CHD9: variants seen among roughly 807,000 people sequenced by gnomAD.
CHD9 encodes the protein ATP-dependent chromatin remodeler CHD9.
Under a neutral mutation model 316.1 loss-of-function variants are expected in CHD9, and 77 were observed. The ratio of observed to expected loss-of-function variants is 0.24; its 90% confidence interval spans 0.20 to 0.29. CHD9 has a LOEUF of 0.29. CHD9 is among the 10% of genes least tolerant of loss of function. CHD9 has a pLI of 1.00. For synonymous variants in CHD9, 1,129 were observed against 1,158.3 expected (o/e 0.97, Z 0.51); for missense variants, 2,763 against 3,438.1 (o/e 0.80, Z 4.91).
At chr16:53,237,541 C>T (rs1398798401) in intron 11 of CHD9, among the ~76,000 whole-genome samples, 1 of 152,086 alleles carries the variant, frequency 6.6e-6, no homozygotes, top group Non-Finnish European at 1.5e-5. Context: ...CCCTCCAAAC[C>T]ATAGAACAAC....
At chr16:53,211,374 C>T (rs1366194461) in intron 3 of CHD9, among the ~76,000 whole-genome samples, 2 of 151,982 alleles carry the variant, frequency 1.3e-5, no homozygotes, top group African/African-American at 2.4e-5. Flanking sequence ...AACACTGAAG[C>T]GGAGTACTGA....
In CHD9 at chr16:53,164,176, AAT is replaced by A. The variant is rs540151522; in HGVS notation, c.1452+6636_1452+6637del. ...TTGAAAAATTAAAAACTGGCTTTAG[AAT>A]CTTTAAGTGGCAAAGACCATGCCTC... On this transcript the variant is annotated intron_variant, in intron 2 of 38. Coordinates refer to ENST00000447540, the MANE Select transcript of CHD9 (RefSeq NM_001308319.2). Among the ~76,000 whole-genome samples the A allele has an allele frequency of 3.5e-4, 53 of 152,322 alleles. 1 individual carries two copies. The highest frequency in any genetic ancestry group is 1.1e-3 in the African/African-American group (46 of 41,566).
intron 13 of CHD9, 117 bp downstream of exon 13, chr16:53,243,133 C>A: frequency 1.6e-6 from 1 of 633,964 alleles, no homozygotes; most frequent in Admixed American, 3.4e-5. Context: ...ACATCTGAAT[C>A]TTATCTGTGA....
At chr16:53,202,666 T>C (rs539076168) in intron 2 of CHD9, among the ~76,000 whole-genome samples, 1 of 152,298 alleles carries the variant, frequency 6.6e-6, no homozygotes, top group East Asian at 1.9e-4. Flanking sequence ...AAACAAAACT[T>C]GTATGAACAT....
chr16:53,154,394 A>G (rs990355765), intron 1 of CHD9, among the ~76,000 whole-genome samples: 4 of 152,318 alleles, frequency 2.6e-5, no homozygotes, highest in Non-Finnish European at 5.9e-5. Flanking sequence ...TGTATCAAGT[A>G]TGTAGGATAG....
intron 2 of CHD9, among the ~76,000 whole-genome samples, chr16:53,204,652 T>C (rs563405427): frequency 1.3e-5 from 2 of 152,286 alleles, no homozygotes; most frequent in Non-Finnish European, 1.5e-5. Flanking sequence ...CAAACACTTA[T>C]ACTATAAATC....
In CHD9 at chr16:53,208,394, TA is replaced by T. The variant is rs774818925; in HGVS notation, c.1453-1084del. On this transcript the variant is annotated intron_variant, in intron 2 of 38. Coordinates refer to ENST00000447540, the MANE Select transcript of CHD9 (RefSeq NM_001308319.2). ...TGGGAGGAGGAGGGGTTCTTTGGGCTAAAAGGCTAATGGGATTGAATAACCT... is the reference window on the plus strand; with the variant it reads ...TGGGAGGAGGAGGGGTTCTTTGGGCTAAAGGCTAATGGGATTGAATAACCT... 7 of 1,275,646 alleles carry T rather than the reference TA, an allele frequency of 5.5e-6. No individual in the cohort carries two copies. In the South Asian group the frequency reaches 6.4e-5, roughly 12 times the overall value. 79.0% of individuals were successfully genotyped at this position (1,275,646 alleles called of 1,614,324 possible). A position where few individuals can be genotyped will look rare whatever the true frequency, so the allele number is the denominator to read the frequency against.
At chr16:53,210,946 TTTCTAC>T (rs1160011853) in intron 3 of CHD9, among the ~76,000 whole-genome samples, 7 of 152,106 alleles carry the variant, frequency 4.6e-5, no homozygotes, top group African/African-American at 1.7e-4. Flanking sequence ...ATTTGAAAGA[TTTCTAC>T]TTCTTTTATT....
chr16:53,146,417 A>ATGTG (rs1232078327), intron 1 of CHD9, among the ~76,000 whole-genome samples: 2 of 65,954 alleles, frequency 3.0e-5, no homozygotes, highest in African/African-American at 1.4e-4. Context: ...GTGTGTGTGT[A>ATGTG]TGTATATATA....
intron 1 of CHD9, among the ~76,000 whole-genome samples, chr16:53,091,009 C>CA (rs5816886): frequency 9.2e-5 from 14 of 151,670 alleles, no homozygotes; most frequent in Non-Finnish European, 2.1e-4. Context: ...TCACCCCCCC[C>CA]CGACTGACCG....
chr16:53,066,480 A>G (rs960804127), intron 1 of CHD9, among the ~76,000 whole-genome samples: 2 of 152,166 alleles, frequency 1.3e-5, no homozygotes, highest in African/African-American at 4.8e-5. Flanking sequence ...ACTTACCTAA[A>G]AGAAAAATAA....
chr16:53,306,503 G>GTCATCCTACATTT, intron 32 of CHD9, 106 bp downstream of exon 32: 3 of 921,264 alleles, frequency 3.3e-6, no homozygotes, highest in Non-Finnish European at 4.5e-6. Context: ...AGCGTAAAAT[G>GTCATCCTACATTT]TAGGATGACA....
chr16:53,312,951 A>G (rs958302351), intron 34 of CHD9, among the ~76,000 whole-genome samples: 9 of 152,208 alleles, frequency 5.9e-5, no homozygotes, highest in African/African-American at 2.2e-4. Flanking sequence ...ACCTTTAATA[A>G]TACATCCTTT....
intron 20 of CHD9, among the ~76,000 whole-genome samples, chr16:53,265,496 G>A (rs1168598196): frequency 6.6e-6 from 1 of 151,966 alleles, no homozygotes; most frequent in Non-Finnish European, 1.5e-5. Context: ...AGCAAAGAAT[G>A]GGATAACAAC....
At chr16:53,221,560 T>A (rs1414073077) in intron 3 of CHD9, among the ~76,000 whole-genome samples, 1 of 152,172 alleles carries the variant, frequency 6.6e-6, no homozygotes. Context: ...GATAAGGAAA[T>A]GTGAGAGTTA....
chr16:53,154,509 C>A (rs560286481), intron 1 of CHD9, among the ~76,000 whole-genome samples: 57 of 152,242 alleles, frequency 3.7e-4, no homozygotes, highest in African/African-American at 1.3e-3. Flanking sequence ...CAGTCCTCAA[C>A]CTTTTTGGCA....
At chr16:53,178,704 C>T (rs958103825) in intron 2 of CHD9, among the ~76,000 whole-genome samples, 4 of 152,144 alleles carry the variant, frequency 2.6e-5, no homozygotes, top group African/African-American at 9.7e-5. Context: ...CTCAAGTAAT[C>T]GTCCTGCCTT....
chr16:53,261,492 G>C (rs1248899202), intron 19 of CHD9, among the ~76,000 whole-genome samples: 1 of 147,602 alleles, frequency 6.8e-6, no homozygotes, highest in African/African-American at 2.5e-5. Flanking sequence ...ACCCACCTCA[G>C]CCTCCCAAGT....
chr16:53,066,013 G>T (rs927536809), intron 1 of CHD9, among the ~76,000 whole-genome samples: 3 of 152,040 alleles, frequency 2.0e-5, no homozygotes, highest in Non-Finnish European at 2.9e-5. Flanking sequence ...TACTCTCCTC[G>T]TATTTTGGGG....
Sources: allele counts gnomAD v4.1 joint callset (sites outside exome capture counted in the v4.1 genomes callset), GRCh38; gene constraint gnomAD v4.1.1; transcripts MANE v1.5; gene names NCBI Gene and HGNC (gene_info 2026-07-23, HGNC 2026-07-21).